The following FBXO17 variants were observed in gnomAD, a reference collection of about 807,000 sequenced individuals.
The protein encoded by FBXO17 is F-box only protein 17.
Under a neutral mutation model 34.1 loss-of-function variants are expected in FBXO17, and 43 were observed. The ratio of observed to expected loss-of-function variants is 1.26; its 90% CI spans 0.99 to 1.62. The LOEUF (loss-of-function observed/expected upper bound fraction) is 1.62, where lower values mean the gene tolerates loss of function less well. Ranked by LOEUF, FBXO17 falls within the 40% of genes most tolerant of loss-of-function variation. The pLI is 0.00. For missense variants in FBXO17, 424 were observed against 386.7 expected (o/e 1.10, Z -0.81); for synonymous variants, 169 against 166.0 (o/e 1.02, Z -0.14).
At chr19:38,952,705 G>T in intron 1 of FBXO17, 1 of 515,664 alleles carries the variant, frequency 1.9e-6, no homozygotes. Flanking sequence ...TAGTTCTTCC[G>T]CAGCCCCAAC....
Position 38,948,690 on chromosome 19 carries a change from C to T in FBXO17, c.350-12G>A. 2 of 1,612,448 alleles carry T rather than the reference C, an allele frequency of 1.2e-6. No individual in the cohort carries two copies. The highest frequency in any genetic ancestry group is 1.1e-5 in the South Asian group (1 of 90,920). On this transcript the variant is annotated splice_polypyrimidine_tract_variant and intron_variant, in intron 2 of 5. Coordinates refer to ENST00000292852, the MANE Select transcript of FBXO17 (RefSeq NM_024907.7). ...GCCTCTGAAGCCCTCTGTGGGAAAA[C>T]AAGAGTTGAACATATGGTTCACCTG...
chr19:38,952,568 A>G (rs1305430480), intron 1 of FBXO17: 1 of 534,276 alleles, frequency 1.9e-6, no homozygotes, highest in Non-Finnish European at 3.8e-6. Flanking sequence ...GAATCTCATC[A>G]CTACCTTGCT....
intron 5 of FBXO17, among the ~76,000 whole-genome samples, chr19:38,944,394 C>G (rs187799772): frequency 6.6e-6 from 1 of 152,206 alleles, no homozygotes; most frequent in Non-Finnish European, 1.5e-5. Context: ...AGGTGCAAGT[C>G]ACCATGCCCG....
At chr19:38,951,029 A>G (rs1001127223) in intron 1 of FBXO17, among the ~76,000 whole-genome samples, 2 of 151,994 alleles carry the variant, frequency 1.3e-5, no homozygotes, top group African/African-American at 4.8e-5. Context: ...TGACTTCGTG[A>G]TCCACCCACT....
chr19:38,949,073 G>A (rs745968674), intron 2 of FBXO17, among the ~76,000 whole-genome samples: 42 of 152,010 alleles, frequency 2.8e-4, no homozygotes, highest in Non-Finnish European at 5.0e-4. Context: ...AGGACCACAG[G>A]TGCATGCCAC....
At chr19:38,948,773 C>G in intron 2 of FBXO17, 95 bp from the exon 3 acceptor site, 1 of 986,328 alleles carries the variant, frequency 1.0e-6, no homozygotes, top group Non-Finnish European at 1.6e-6. Flanking sequence ...ACCAGCCTCT[C>G]CCTCTTGTGC....
intron 1 of FBXO17, among the ~76,000 whole-genome samples, chr19:38,963,467 A>T (rs1351712447): frequency 6.6e-6 from 1 of 150,728 alleles, no homozygotes; most frequent in Non-Finnish European, 1.5e-5. Context: ...GCTAATTTTT[A>T]AATTTTTTTT....
chr19:38,946,513 C>T lies in FBXO17; in HGVS notation c.516G>A (p.Glu172=), dbSNP rs774471043. 15 of 1,613,962 alleles carry T rather than the reference C, an allele frequency of 9.3e-6. No homozygotes were observed. The highest frequency in any genetic ancestry group is 1.3e-5 in the Non-Finnish European group (15 of 1,179,954). ...VDLVMEGVWQ[E]LLDSAQIEIC... is the part of the protein sequence containing the mutation. ...TCTCAATCTGGGCGCTGTCCAGCAG[C>T]TCCTGCCACACCCCTTCCATCACCA... Residue 172 remains glutamate (E), a synonymous_variant, in exon 4 of 6, where the codon GAG becomes GAA. Transcript: ENST00000292852.
At chr19:38,951,869 G>A (rs1227637967) in intron 1 of FBXO17, among the ~76,000 whole-genome samples, 1 of 151,406 alleles carries the variant, frequency 6.6e-6, no homozygotes, top group Non-Finnish European at 1.5e-5. Flanking sequence ...TGCTAGTCTC[G>A]AACTCCAGAC....
At chr19:38,956,608 C>T (rs1475261193) in intron 1 of FBXO17, among the ~76,000 whole-genome samples, 1 of 152,038 alleles carries the variant, frequency 6.6e-6, no homozygotes, top group Non-Finnish European at 1.5e-5. Flanking sequence ...CAGCCAGGCA[C>T]AGTGGCTCAT....
At chr19:38,959,719 C>G (rs12979835) in intron 1 of FBXO17, among the ~76,000 whole-genome samples, 89,365 of 151,632 alleles carry the variant, frequency 0.59, 26,867 homozygotes, top group East Asian at 0.88. Context: ...AGTGAAACCC[C>G]ATCTCTAAAA....
rs142202991 is a variant in FBXO17, at chr19:38,954,092, C to T, written c.-17-3756G>A. On this transcript the variant is annotated intron_variant, in intron 1 of 5. Transcript: ENST00000292852. ...ATGGCTGCCAGGCAGCATTGGGGTC[C>T]GCCTGAGGGTCAAGTTCACAGACTT... 2.2e-3 allele frequency among the ~76,000 whole-genome samples: 335 copies of T among 152,030 alleles called. 1 individual carries two copies. Among genetic ancestry groups the T allele is most frequent in the African/African-American group, 7.5e-3 (309 of 41,454 alleles).
intron 1 of FBXO17, among the ~76,000 whole-genome samples, chr19:38,954,183 G>A (rs190296423): frequency 1.1e-4 from 16 of 152,128 alleles, no homozygotes; most frequent in Admixed American, 2.6e-4. Flanking sequence ...GTGCAGGCAC[G>A]GCAGAGAGGA....
intron 2 of FBXO17, chr19:38,949,737 G>C (rs1489821561): frequency 3.4e-6 from 2 of 583,126 alleles, no homozygotes; most frequent in African/African-American, 3.9e-5. Context: ...TTCTCCCCCG[G>C]CCCAGCCAGG....
chr19:38,973,795 C>A (rs889004598), intron 1 of FBXO17, among the ~76,000 whole-genome samples: 2 of 151,518 alleles, frequency 1.3e-5, no homozygotes, highest in African/African-American at 4.9e-5. Flanking sequence ...CTGGGTAACA[C>A]GGCAAAACCC....
chr19:38,944,841 G>T, intron 5 of FBXO17, 128 bp downstream of exon 5: 1 of 1,329,520 alleles, frequency 7.5e-7, no homozygotes, highest in Non-Finnish European at 1.0e-6. Context: ...TGTAAGAAGG[G>T]CTCGATACTT....
intron 3 of FBXO17, among the ~76,000 whole-genome samples, chr19:38,947,948 T>C (rs1975010425): frequency 6.6e-6 from 1 of 151,720 alleles, no homozygotes; most frequent in East Asian, 2.0e-4. Flanking sequence ...GTGTCTAGTA[T>C]AGAGTAACTC....
intron 1 of FBXO17, among the ~76,000 whole-genome samples, chr19:38,968,944 A>T (rs1323690904): frequency 6.6e-6 from 1 of 152,154 alleles, no homozygotes; most frequent in East Asian, 1.9e-4. Context: ...GGTGATGAAC[A>T]TGCTTTGTTA....
intron 3 of FBXO17, among the ~76,000 whole-genome samples, chr19:38,947,844 A>G (rs986867597): frequency 1.3e-5 from 2 of 150,778 alleles, no homozygotes; most frequent in Non-Finnish European, 3.0e-5. Flanking sequence ...GATTACAGCT[A>G]TGAGCCACCG....
Sources: gnomAD v4.1 joint callset for allele counts (sites outside exome capture counted in the v4.1 genomes callset) on GRCh38, gnomAD v4.1.1 for gene constraint, MANE v1.5 for transcripts, NCBI Gene and HGNC (gene_info 2026-07-23, HGNC 2026-07-21) for gene names.